RPS6KC1: variants seen among roughly 807,000 people sequenced by gnomAD.
The protein encoded by RPS6KC1 is inactive ribosomal protein S6 kinase delta-1.
In RPS6KC1, 54 loss-of-function variants were observed where a neutral mutation model predicts 103.8. That is an observed-to-expected ratio of 0.52 (90% confidence interval 0.42 to 0.65). The LOEUF is 0.65. Ranked by LOEUF, RPS6KC1 falls within the 30% of genes least tolerant of loss-of-function variation. The pLI, the probability that RPS6KC1 is intolerant of heterozygous loss-of-function variation, is 0.00. For synonymous variants in RPS6KC1, 439 were observed against 438.7 expected (o/e 1.00, Z -0.01); for missense variants, 1,151 against 1,253.8 (o/e 0.92, Z 1.24).
chr1:213,837,787 A>G, the RPS6KC1 span, among the ~76,000 whole-genome samples: 1 of 152,222 alleles, frequency 6.6e-6, no homozygotes, highest in Non-Finnish European at 1.5e-5. Context: ...GCTTCAACAA[A>G]TCAGTTTTCT....
At chr1:213,627,617 G>A in the RPS6KC1 span, among the ~76,000 whole-genome samples, 1 of 152,318 alleles carries the variant, frequency 6.6e-6, no homozygotes, top group South Asian at 2.1e-4. Context: ...AATTTATTGA[G>A]AGTTTTTAGC....
At chr1:213,417,165 CCTTT>C in the RPS6KC1 span, among the ~76,000 whole-genome samples, 1 of 152,182 alleles carries the variant, frequency 6.6e-6, no homozygotes, top group African/African-American at 2.4e-5. Flanking sequence ...CTCCTCGCTG[CCTTT>C]CTTTCATTCG....
chr1:213,464,400 A>G, the RPS6KC1 span, among the ~76,000 whole-genome samples: 1 of 152,166 alleles, frequency 6.6e-6, no homozygotes, highest in Admixed American at 6.5e-5. Context: ...TTGGCATAAC[A>G]TTTTACATAG....
At chr1:213,598,836 G>A in the RPS6KC1 span, among the ~76,000 whole-genome samples, 3,172 of 152,148 alleles carry the variant, frequency 0.021, 104 homozygotes, top group African/African-American at 0.069. Context: ...CAGAAGAATC[G>A]CTTGAACCTG....
intron 12 of RPS6KC1, among the ~76,000 whole-genome samples, chr1:213,243,681 T>G (rs1022369554): frequency 3.9e-5 from 6 of 152,224 alleles, no homozygotes; most frequent in Non-Finnish European, 7.3e-5. Flanking sequence ...TTTGTTCACC[T>G]TTTGCTTACC....
In RPS6KC1 at chr1:213,232,406, T is replaced by C. The variant is rs2094125103; in HGVS notation, c.1225+151T>C. ...TCTGCTCTACCTCCCTACTTTGAGT[T>C]GTGAGGGAAAATGAAAACCCAGGTG... On this transcript the variant is annotated intron_variant, in intron 10 of 14. Transcript: ENST00000366960. 10 of 979,750 alleles carry C rather than the reference T, an allele frequency of 1.0e-5. No individual in the cohort carries two copies. The East Asian group carries it at 2.2e-4, about 21-fold the overall frequency. 60.7% of individuals were successfully genotyped at this position (979,750 alleles called of 1,614,324 possible).
chr1:213,308,224 G>A, the RPS6KC1 span, among the ~76,000 whole-genome samples: 1 of 149,072 alleles, frequency 6.7e-6, no homozygotes, highest in African/African-American at 2.5e-5. Flanking sequence ...TGAGGCATGA[G>A]AATCACTTGA....
chr1:213,096,538 G>A (rs926641845), intron 3 of RPS6KC1, among the ~76,000 whole-genome samples: 16 of 152,116 alleles, frequency 1.1e-4, no homozygotes, highest in African/African-American at 3.4e-4. Flanking sequence ...GGTGGTATAC[G>A]CCTATAATTC....
At chr1:213,503,212 T>G in the RPS6KC1 span, among the ~76,000 whole-genome samples, 1 of 152,222 alleles carries the variant, frequency 6.6e-6, no homozygotes, top group African/African-American at 2.4e-5. Context: ...CCTCTTGGCC[T>G]TATAGTTTCA....
At chr1:213,116,009 C>T (rs2083557079) in intron 4 of RPS6KC1, among the ~76,000 whole-genome samples, 1 of 151,850 alleles carries the variant, frequency 6.6e-6, no homozygotes, top group African/African-American at 2.4e-5. Flanking sequence ...TGGTGTGGTG[C>T]TGAAAAAAAT....
intron 8 of RPS6KC1, among the ~76,000 whole-genome samples, chr1:213,208,265 T>C (rs990321678): frequency 4.6e-5 from 7 of 152,222 alleles, no homozygotes; most frequent in African/African-American, 1.7e-4. Context: ...TGGTTTCCTC[T>C]CTTGGCATAC....
chr1:213,162,284 G>A (rs1173464650), intron 6 of RPS6KC1, among the ~76,000 whole-genome samples: 1 of 152,060 alleles, frequency 6.6e-6, no homozygotes, highest in Non-Finnish European at 1.5e-5. Flanking sequence ...TAAGAGACTG[G>A]CCATTTTTAT....
chr1:213,282,790 C>T, the RPS6KC1 span, among the ~76,000 whole-genome samples: 1 of 152,222 alleles, frequency 6.6e-6, no homozygotes, highest in Admixed American at 6.5e-5. Flanking sequence ...CTGTCCAAGG[C>T]ATGGAGGGGT....
chr1:213,359,989 A>G, the RPS6KC1 span, among the ~76,000 whole-genome samples: 7 of 151,708 alleles, frequency 4.6e-5, no homozygotes, highest in African/African-American at 1.5e-4. Flanking sequence ...TGCCCTTAAC[A>G]TTTTTTCCTT....
intron 1 of RPS6KC1, among the ~76,000 whole-genome samples, chr1:213,057,092 A>G (rs990391326): frequency 7.9e-5 from 12 of 151,728 alleles, no homozygotes; most frequent in Non-Finnish European, 1.6e-4. Context: ...GGAACATGCC[A>G]CCCTGCCTGA....
chr1:213,649,491 C>T, the RPS6KC1 span, among the ~76,000 whole-genome samples: 25 of 152,180 alleles, frequency 1.6e-4, no homozygotes, highest in Non-Finnish European at 2.8e-4. Context: ...GTGCAGTCCC[C>T]GCTTTGATGC....
the RPS6KC1 span, among the ~76,000 whole-genome samples, chr1:213,745,023 T>TG: frequency 2.0e-5 from 3 of 152,196 alleles, no homozygotes; most frequent in Admixed American, 2.0e-4. Context: ...ACAAACACGC[T>TG]GGCAGTGGTG....
chr1:213,243,388 G>A (rs1256369423), intron 12 of RPS6KC1, among the ~76,000 whole-genome samples: 2 of 152,038 alleles, frequency 1.3e-5, no homozygotes, highest in African/African-American at 2.4e-5. Context: ...TGGAATAGCT[G>A]GGATTGCAGG....
the RPS6KC1 span, among the ~76,000 whole-genome samples, chr1:213,514,679 G>A: frequency 3.9e-5 from 6 of 151,968 alleles, no homozygotes; most frequent in East Asian, 1.9e-4. Context: ...GAATAGTGCC[G>A]CAATAAACAT....
Sources: gnomAD v4.1 joint callset for allele counts (sites outside exome capture counted in the v4.1 genomes callset) on GRCh38, gnomAD v4.1.1 for gene constraint, MANE v1.5 for transcripts, NCBI Gene and HGNC (gene_info 2026-07-23, HGNC 2026-07-21) for gene names.